UBXN2A: variants seen among roughly 807,000 people sequenced by gnomAD.
UBXN2A encodes the protein UBX domain protein 2A, also known as UBX domain-containing protein 2A.
Under a neutral mutation model 28.4 loss-of-function variants are expected in UBXN2A, and 28 were observed. That is an observed-to-expected ratio of 0.99 (90% CI 0.73 to 1.35). The LOEUF is 1.35. UBXN2A is among the 40% of genes most tolerant of loss of function. The pLI, the probability that UBXN2A is intolerant of heterozygous loss-of-function variation, is 0.00. For synonymous variants in UBXN2A, 97 were observed against 103.6 expected (o/e 0.94, Z 0.39); for missense variants, 253 against 297.9 (o/e 0.85, Z 1.11).
At chr2:23,975,235 T>G (rs73922024) in intron 3 of UBXN2A, among the ~76,000 whole-genome samples, 2 of 152,314 alleles carry the variant, frequency 1.3e-5, no homozygotes, top group African/African-American at 4.8e-5. Flanking sequence ...GTAACAAGTA[T>G]ATGAAAAGAT....
chr2:23,951,946 T>A (rs1349411528), intron 1 of UBXN2A, among the ~76,000 whole-genome samples: 2 of 151,520 alleles, frequency 1.3e-5, no homozygotes, highest in African/African-American at 4.8e-5. Flanking sequence ...CATAGAGTTA[T>A]GATTTCCTGA....
rs760474811 is a variant in UBXN2A, at chr2:24,001,357, C to T, written c.*1490C>T. 14 of 152,216 alleles carry T rather than the reference C, an allele frequency of 9.2e-5. No individual in the cohort carries two copies. The highest frequency in any genetic ancestry group is 7.7e-4 in the East Asian group (4 of 5,190). The allele number at this position is 152,216 out of a possible 1,614,324, so 9.4% of individuals were successfully genotyped here. On this transcript the variant is annotated 3_prime_UTR_variant, in exon 7 of 7. Transcript: ENST00000309033. ...TAAAGATTATTTCATTTTGATATCA[C>T]GAAGAAAAACAGGCTTTATATCTCA...
chr2:23,996,479 CT>C (rs869068732), intron 6 of UBXN2A, among the ~76,000 whole-genome samples: 493 of 134,686 alleles, frequency 3.7e-3, no homozygotes, highest in African/African-American at 5.0e-3. Context: ...TTTTCTTTTT[CT>C]TTTTTTTTTT....
chr2:23,950,646 C>T lies in UBXN2A; in HGVS notation c.-14-7655C>T, dbSNP rs372555776. 2.6e-5 allele frequency among the ~76,000 whole-genome samples: 4 copies of T among 151,934 alleles called. No individual in the cohort carries two copies. In the East Asian group the frequency reaches 5.8e-4, roughly 22 times the overall value. ...CTCGAACTCCTGACCTCAAGTGATCCGCCCACCTCGGTCTTCCAGTGTGCT... is the reference window on the plus strand; with the variant it reads ...CTCGAACTCCTGACCTCAAGTGATCTGCCCACCTCGGTCTTCCAGTGTGCT... On this transcript the variant is annotated intron_variant, in intron 1 of 6. Transcript: ENST00000309033.
At chr2:23,957,556 T>A (rs999120780) in intron 1 of UBXN2A, among the ~76,000 whole-genome samples, 2 of 151,566 alleles carry the variant, frequency 1.3e-5, no homozygotes, top group African/African-American at 4.8e-5. Flanking sequence ...CACCCATGGC[T>A]GGGCACTGTG....
chr2:23,946,336 G>GA (rs1418489906), intron 1 of UBXN2A, among the ~76,000 whole-genome samples: 3 of 139,926 alleles, frequency 2.1e-5, no homozygotes, highest in Non-Finnish European at 4.7e-5. Context: ...GTTTTTTGTT[G>GA]TTTTTTTTTT....
intron 3 of UBXN2A, among the ~76,000 whole-genome samples, chr2:23,974,940 C>G (rs1707592630): frequency 6.6e-6 from 1 of 151,394 alleles, no homozygotes; most frequent in Non-Finnish European, 1.5e-5. Flanking sequence ...GATCGTGCCA[C>G]TGCACTCTAG....
upstream of UBXN2A, among the ~76,000 whole-genome samples, chr2:23,939,179 A>C (rs1705629572): frequency 6.6e-6 from 1 of 152,172 alleles, no homozygotes; most frequent in Non-Finnish European, 1.5e-5. Flanking sequence ...CTATTGCAAT[A>C]AGGGTGGAGA....
Position 23,982,896 on chromosome 2 carries a change from G to A in UBXN2A, c.288G>A (p.Gly96=), listed in dbSNP as rs779496819. ...SQQFLNSIKK[G]ELPSELQGIF... Reference sequence around the variant, plus strand: ...TCATTTTCTTTCTTTGTTTTCCAAGGGAATTACCTTCAGAATTACAGGGAA... The same window carrying A: ...TCATTTTCTTTCTTTGTTTTCCAAGAGAATTACCTTCAGAATTACAGGGAA... Residue 96 remains glycine (G), a splice_region_variant and synonymous_variant, in exon 5 of 7, where the codon GGG becomes GGA. Coordinates refer to ENST00000309033, the MANE Select transcript of UBXN2A (RefSeq NM_181713.4). 2.5e-6 allele frequency: 4 copies of A among 1,596,454 alleles called. No individual in the cohort carries two copies. Among genetic ancestry groups the A allele is most frequent in the Non-Finnish European group, 3.4e-6 (4 of 1,172,158 alleles).
At chr2:23,990,129 C>T (rs1708297977) in intron 6 of UBXN2A, among the ~76,000 whole-genome samples, 1 of 151,762 alleles carries the variant, frequency 6.6e-6, no homozygotes. Context: ...TATGGATTCC[C>T]TCCTCTTCCT....
intron 4 of UBXN2A, among the ~76,000 whole-genome samples, chr2:23,979,194 A>T (rs879312369): frequency 6.6e-6 from 1 of 151,452 alleles, no homozygotes; most frequent in Non-Finnish European, 1.5e-5. Flanking sequence ...AAATACAAAA[A>T]TTAGCCGGGC....
intron 1 of UBXN2A, among the ~76,000 whole-genome samples, chr2:23,954,931 CTTTTTTTTTTTT>C (rs35139100): frequency 8.3e-6 from 1 of 120,850 alleles, no homozygotes; most frequent in African/African-American, 3.2e-5. Flanking sequence ...GCTTGCCTAC[CTTTTTTTTTTTT>C]TTTTTTTTGA....
chr2:23,956,334 T>C (rs1400064153), intron 1 of UBXN2A, among the ~76,000 whole-genome samples: 1 of 152,084 alleles, frequency 6.6e-6, no homozygotes, highest in Non-Finnish European at 1.5e-5. Flanking sequence ...TTTCTTTTCA[T>C]TTTTTCTTTT....
chr2:23,939,762 G>C (rs956838835), upstream of UBXN2A: 3 of 152,412 alleles, frequency 2.0e-5, no homozygotes, highest in African/African-American at 7.2e-5. Flanking sequence ...GGGCATCCTT[G>C]AGTCCTGACA....
At chr2:23,965,245 G>A (rs2150852165) in intron 2 of UBXN2A, among the ~76,000 whole-genome samples, 1 of 152,232 alleles carries the variant, frequency 6.6e-6, no homozygotes, top group East Asian at 1.9e-4. Flanking sequence ...CGGACTTCCA[G>A]TACAACACTG....
chr2:23,994,195 A>T (rs1206719059), intron 6 of UBXN2A, among the ~76,000 whole-genome samples: 1 of 152,116 alleles, frequency 6.6e-6, no homozygotes, highest in Non-Finnish European at 1.5e-5. Flanking sequence ...CTTTTGAAAG[A>T]TATTAAGTCT....
At chr2:23,954,994 G>A (rs541029611) in intron 1 of UBXN2A, among the ~76,000 whole-genome samples, 34 of 147,410 alleles carry the variant, frequency 2.3e-4, no homozygotes, top group Non-Finnish European at 3.0e-5. Flanking sequence ...GTGCAGTGGT[G>A]CAATTTCGGC....
intron 1 of UBXN2A, among the ~76,000 whole-genome samples, chr2:23,933,284 A>AGG (rs1434856923): frequency 1.3e-5 from 2 of 152,194 alleles, no homozygotes; most frequent in Non-Finnish European, 2.9e-5. Flanking sequence ...AGGCAGGCGG[A>AGG]TCACCTGAGG....
chr2:23,970,034 G>A (rs1475871731), intron 2 of UBXN2A, among the ~76,000 whole-genome samples: 1 of 152,066 alleles, frequency 6.6e-6, no homozygotes, highest in Non-Finnish European at 1.5e-5. Flanking sequence ...GCTCACACCC[G>A]TAGTCCCAGC....
Sources: allele counts gnomAD v4.1 joint callset (sites outside exome capture counted in the v4.1 genomes callset), GRCh38; gene constraint gnomAD v4.1.1; transcripts MANE v1.5; gene names NCBI Gene and HGNC (gene_info 2026-07-23, HGNC 2026-07-21).